SLC38A9: variants seen among roughly 807,000 people sequenced by gnomAD.
SLC38A9 encodes neutral amino acid transporter 9.
In SLC38A9, 48 loss-of-function variants were observed where a neutral mutation model predicts 62.3. That is an observed-to-expected ratio of 0.77 (90% CI 0.61 to 0.98). The LOEUF (loss-of-function observed/expected upper bound fraction) is 0.98, where lower values mean the gene tolerates loss of function less well. SLC38A9 is among the 50% of genes least tolerant of loss of function. SLC38A9 has a pLI of 0.00. For missense variants in SLC38A9, 541 were observed against 679.8 expected, an observed-to-expected ratio of 0.80 and a Z score of 2.27; for synonymous variants, 204 against 227.7, an observed-to-expected ratio of 0.90 and a Z score of 0.94.
At chr5:55,691,357 G>T in intron 3 of SLC38A9, 1 of 1,421,254 alleles carries the variant, frequency 7.0e-7, no homozygotes, top group Non-Finnish European at 9.2e-7. Flanking sequence ...GGTTTACAAA[G>T]AATTGCCTAA....
chr5:55,637,336 C>G (rs73119755), intron 12 of SLC38A9, among the ~76,000 whole-genome samples: 7,446 of 152,290 alleles, frequency 0.049, 313 homozygotes, highest in African/African-American at 0.12. Flanking sequence ...TCCAACAAGA[C>G]TTTTCCCTTC....
intron 10 of SLC38A9, among the ~76,000 whole-genome samples, chr5:55,651,614 AAG>A (rs1747495072): frequency 6.6e-6 from 1 of 152,140 alleles, no homozygotes; most frequent in African/African-American, 2.4e-5. Flanking sequence ...GGCTCACAGA[AAG>A]AGGTCTGTTC....
chr5:55,679,076 A>G (rs1752637252), intron 3 of SLC38A9, among the ~76,000 whole-genome samples: 1 of 128,052 alleles, frequency 7.8e-6, no homozygotes, highest in Non-Finnish European at 1.7e-5. Context: ...AATCAAATTT[A>G]AAGTTAATTT....
Position 55,625,987 on chromosome 5 carries a change from T to C in SLC38A9, c.*507A>G, listed in dbSNP as rs1279213021. 6.5e-6 allele frequency: 1 copy of C among 152,994 alleles called. No homozygotes were observed. Among genetic ancestry groups the C allele is most frequent in the African/African-American group, 2.4e-5 (1 of 41,454 alleles). 9.5% of individuals were successfully genotyped at this position (152,994 alleles called of 1,614,324 possible). On this transcript the variant is annotated 3_prime_UTR_variant, in exon 16 of 16. Coordinates refer to ENST00000396865, the MANE Select transcript of SLC38A9 (RefSeq NM_173514.4). ...TAAAAATGTACTTTATTAACACTGATGCCATGAAAACTTCTTTTTAAAAAT... is the reference window on the plus strand; with the variant it reads ...TAAAAATGTACTTTATTAACACTGACGCCATGAAAACTTCTTTTTAAAAAT...
Position 55,636,951 on chromosome 5 carries a change from C to T in SLC38A9, c.1168-1294G>A, listed in dbSNP as rs776270334. On this transcript the variant is annotated intron_variant, in intron 12 of 15. Transcript: ENST00000396865. ...TTAGTTCATGAAGCTCTAGGTCTGA[C>T]GGGAGGCCAGAGTTCAGTCACCCCT... 1.2e-4 allele frequency among the ~76,000 whole-genome samples: 19 copies of T among 152,266 alleles called. No homozygotes were observed. The South Asian group carries it at 2.7e-3, about 22-fold the overall frequency.
chr5:55,637,698 G>T (rs1437676019), intron 12 of SLC38A9, among the ~76,000 whole-genome samples: 1 of 152,322 alleles, frequency 6.6e-6, no homozygotes, highest in South Asian at 2.1e-4. Flanking sequence ...GCTTTATTAA[G>T]TGCTTGTAGG....
At position 55,656,775 on chromosome 5, in the gene SLC38A9, C is replaced by G. The variant is rs1748510012; in HGVS notation, c.698-1G>C. ...GTGTCATTAATGTGATGAATAAAATCTAAAAATAAAGGAAAAAATATAGTT... is the reference window on the plus strand; with the variant it reads ...GTGTCATTAATGTGATGAATAAAATGTAAAAATAAAGGAAAAAATATAGTT... On this transcript the variant is annotated splice_acceptor_variant, in intron 8 of 15. Coordinates refer to ENST00000396865, the MANE Select transcript of SLC38A9 (RefSeq NM_173514.4). LOFTEE classifies it high-confidence loss of function. 1 of 1,524,098 alleles carries G rather than the reference C, an allele frequency of 6.6e-7. No individual in the cohort carries two copies. The highest frequency in any genetic ancestry group is 1.8e-5 in the Admixed American group (1 of 56,468). 94.4% of individuals were successfully genotyped at this position (1,524,098 alleles called of 1,614,324 possible). A position where few individuals can be genotyped will look rare whatever the true frequency, so the allele number is the denominator to read the frequency against.
chr5:55,707,037 G>A lies in SLC38A9; in HGVS notation c.-35+4415C>T, dbSNP rs536202327. ...GCTTGCTGCAACCTCCTCCCGCCAG[G>A]CTCAAGCTATCCTCCCACCTCAGCC... On this transcript the variant is annotated intron_variant, in intron 2 of 15. Coordinates refer to ENST00000396865, the MANE Select transcript of SLC38A9 (RefSeq NM_173514.4). Among the ~76,000 whole-genome samples the A allele has an allele frequency of 1.7e-4, 26 of 151,876 alleles. No homozygotes were observed. In the East Asian group the frequency reaches 4.7e-3, roughly 27 times the overall value.
At chr5:55,673,578 A>T (rs1751659530) in intron 3 of SLC38A9, 1 of 151,426 alleles carries the variant, frequency 6.6e-6, no homozygotes, top group African/African-American at 2.4e-5. Flanking sequence ...TCAGGCACAG[A>T]TCCAAAGAAA....
intron 8 of SLC38A9, among the ~76,000 whole-genome samples, chr5:55,657,491 T>TTG (rs951635988): frequency 4.3e-5 from 1 of 23,356 alleles, no homozygotes; most frequent in African/African-American, 1.0e-4. Flanking sequence ...AAAATCAAAG[T>TTG]TTTTTTTTTT....
At chr5:55,652,033 A>T (rs1176058650) in intron 10 of SLC38A9, among the ~76,000 whole-genome samples, 3 of 25,428 alleles carry the variant, frequency 1.2e-4, no homozygotes, top group African/African-American at 1.7e-4. Context: ...CAAACTCCAT[A>T]AAAAAAAATA....
At chr5:55,671,851 A>G (rs1422208050) in intron 4 of SLC38A9, among the ~76,000 whole-genome samples, 1 of 152,070 alleles carries the variant, frequency 6.6e-6, no homozygotes, top group East Asian at 1.9e-4. Flanking sequence ...CCATCTCAAA[A>G]AAAAAGAGAT....
At chr5:55,685,309 T>A (rs763637327) in intron 3 of SLC38A9, among the ~76,000 whole-genome samples, 22 of 152,196 alleles carry the variant, frequency 1.4e-4, no homozygotes, top group Non-Finnish European at 2.1e-4. Context: ...TACTTTCTGT[T>A]TCTATGGCTT....
chr5:55,654,271 T>C (rs1748025106), intron 9 of SLC38A9, among the ~76,000 whole-genome samples: 2 of 152,186 alleles, frequency 1.3e-5, no homozygotes, highest in Non-Finnish European at 2.9e-5. Flanking sequence ...GTGCTTTTTT[T>C]CTTCTACGCT....
chr5:55,668,506 TACAGACAC>T (rs1484986642), intron 7 of SLC38A9, among the ~76,000 whole-genome samples: 2 of 152,202 alleles, frequency 1.3e-5, no homozygotes, highest in Non-Finnish European at 2.9e-5. Context: ...TTGCTAGGGC[TACAGACAC>T]ACACCACCAG....
In SLC38A9 at chr5:55,669,742, A is replaced by C; in HGVS notation, c.368+16T>G. On this transcript the variant is annotated intron_variant, in intron 5 of 15. Transcript: ENST00000396865. Reference sequence around the variant, plus strand: ...TATACAGTTTAAGTCATGCTCCAAAAAGCAGTTTCACTCACATGGTTACTA... The same window carrying C: ...TATACAGTTTAAGTCATGCTCCAAACAGCAGTTTCACTCACATGGTTACTA... The C allele has an allele frequency of 6.2e-7, 1 of 1,608,454 alleles. No individual in the cohort carries two copies. The highest frequency in any genetic ancestry group is 8.5e-7 in the Non-Finnish European group (1 of 1,178,414).
In SLC38A9 at chr5:55,656,786, G is replaced by A. The variant is rs373226346; in HGVS notation, c.698-12C>T. ...GTGATGAATAAAATCTAAAAATAAA[G>A]GAAAAAATATAGTTTAACACTGAAT... On this transcript the variant is annotated splice_polypyrimidine_tract_variant and intron_variant, in intron 8 of 15. Transcript: ENST00000396865. 206 of 1,420,628 alleles carry A rather than the reference G, an allele frequency of 1.5e-4. No homozygotes were observed. In the African/African-American group the frequency reaches 2.6e-3, roughly 18 times the overall value. The allele number at this position is 1,420,628 out of a possible 1,614,324, so 88.0% of individuals were successfully genotyped here. A position where few individuals can be genotyped will look rare whatever the true frequency, so the allele number is the denominator to read the frequency against.
chr5:55,700,683 C>A (rs2150665297), intron 2 of SLC38A9, among the ~76,000 whole-genome samples: 1 of 152,302 alleles, frequency 6.6e-6, no homozygotes. Context: ...GATATCTTTC[C>A]TATCACTATA....
At chr5:55,644,869 C>A (rs559339016) in intron 12 of SLC38A9, among the ~76,000 whole-genome samples, 1 of 151,608 alleles carries the variant, frequency 6.6e-6, no homozygotes, top group African/African-American at 2.4e-5. Context: ...CCTCCCCACT[C>A]CCCCCACCCC....
Sources: gnomAD v4.1 joint callset for allele counts (sites outside exome capture counted in the v4.1 genomes callset) on GRCh38, gnomAD v4.1.1 for gene constraint, MANE v1.5 for transcripts, NCBI Gene and HGNC (gene_info 2026-07-23, HGNC 2026-07-21) for gene names.